The following NETO2 variants were observed in gnomAD, a reference collection of about 807,000 sequenced individuals.
NETO2 encodes neuropilin and tolloid-like protein 2.
A neutral mutation model predicts 62.5 loss-of-function variants in NETO2; 28 were observed. The ratio of observed to expected loss-of-function variants is 0.45; its 90% CI spans 0.33 to 0.61. The LOEUF (loss-of-function observed/expected upper bound fraction) is 0.61. NETO2 is among the 20% of genes least tolerant of loss of function. The pLI, the probability that NETO2 is intolerant of heterozygous loss-of-function variation, is 0.02. For missense variants in NETO2, 548 were observed against 643.2 expected (o/e 0.85, Z 1.60); for synonymous variants, 214 against 219.1 (o/e 0.98, Z 0.21).
intron 7 of NETO2, among the ~76,000 whole-genome samples, chr16:47,095,787 C>T (rs1205200573): frequency 2.0e-5 from 3 of 152,050 alleles, no homozygotes; most frequent in East Asian, 3.9e-4. Flanking sequence ...AAATAAAGGA[C>T]CTGAACACCA....
chr16:47,087,551 A>T (rs1439462059), intron 7 of NETO2, among the ~76,000 whole-genome samples: 1 of 152,170 alleles, frequency 6.6e-6, no homozygotes. Flanking sequence ...ATGTGAATGT[A>T]CTTAATGCTA....
intron 8 of NETO2, 138 bp from the exon 9 acceptor site, chr16:47,083,939 T>A (rs1180854751): frequency 1.6e-6 from 1 of 644,832 alleles, no homozygotes; most frequent in Non-Finnish European, 2.6e-6. Flanking sequence ...ACAATTAGGT[T>A]TTTAAACAAA....
intron 7 of NETO2, 78 bp downstream of exon 7, chr16:47,109,405 A>G (rs757992841): frequency 2.9e-5 from 25 of 870,650 alleles, no homozygotes; most frequent in African/African-American, 1.2e-4. Flanking sequence ...AATATTTTAA[A>G]AAAGTAAATG....
At chr16:47,133,190 G>T (rs1440112875) in intron 1 of NETO2, among the ~76,000 whole-genome samples, 2 of 152,090 alleles carry the variant, frequency 1.3e-5, no homozygotes, top group African/African-American at 4.8e-5. Context: ...AAGGGAAATA[G>T]AATGAGGAAA....
Position 47,129,269 on chromosome 16 carries a change from G to C in NETO2, c.187C>G (p.Pro63Ala). ...TCCTTGTTTGGTGGATATGAGTCAG[G>C]ATAATTTGGCGAAGCAAAATGACCT... is the stretch of plus-strand genomic sequence containing the variant. ...NGGHFASPNY[P>A]DSYPPNKECI... Residue 63 changes from proline to alanine, a missense_variant, in exon 3 of 9, where the codon CCT becomes GCT. Coordinates refer to ENST00000562435, the MANE Select transcript of NETO2 (RefSeq NM_018092.5). The C allele has an allele frequency of 6.2e-7, 1 of 1,614,010 alleles. No homozygotes were observed. Among genetic ancestry groups the C allele is most frequent in the Non-Finnish European group, 8.5e-7 (1 of 1,179,942 alleles).
intron 4 of NETO2, among the ~76,000 whole-genome samples, chr16:47,126,108 C>T (rs1439741949): frequency 2.0e-5 from 3 of 152,158 alleles, no homozygotes; most frequent in African/African-American, 7.2e-5. Context: ...GCTTATCTCA[C>T]TTAGCATAAT....
intron 7 of NETO2, among the ~76,000 whole-genome samples, chr16:47,094,150 A>G (rs574186130): frequency 1.2e-4 from 19 of 152,282 alleles, no homozygotes; most frequent in African/African-American, 4.6e-4. Context: ...AAATTCAAGT[A>G]AAAAAATGAT....
At chr16:47,103,452 T>C (rs1963599633) in intron 7 of NETO2, among the ~76,000 whole-genome samples, 1 of 151,944 alleles carries the variant, frequency 6.6e-6, no homozygotes, top group Non-Finnish European at 1.5e-5. Flanking sequence ...TAAAAAAAAA[T>C]TAACACTAAT....
chr16:47,085,898 G>A (rs1963178872), intron 8 of NETO2, among the ~76,000 whole-genome samples: 4 of 151,920 alleles, frequency 2.6e-5, no homozygotes. Flanking sequence ...GAGGTCAGGA[G>A]ATCGAGACCA....
chr16:47,110,803 T>C (rs899284639), intron 6 of NETO2, among the ~76,000 whole-genome samples: 1 of 151,792 alleles, frequency 6.6e-6, no homozygotes, highest in Admixed American at 6.6e-5. Flanking sequence ...ATGTCATATA[T>C]TCCCCCCCCA....
intron 2 of NETO2, among the ~76,000 whole-genome samples, chr16:47,131,590 G>C (rs1179884593): frequency 6.6e-6 from 1 of 152,074 alleles, no homozygotes; most frequent in Non-Finnish European, 1.5e-5. Context: ...CATAAATCAA[G>C]ACAAAAGAAC....
Position 47,143,881 on chromosome 16 carries a change from C to A in NETO2, c.-269G>T, listed in dbSNP as rs1174682509. The A allele has an allele frequency of 4.2e-6, 1 of 239,664 alleles. No individual in the cohort carries two copies. The highest frequency in any genetic ancestry group is 7.7e-6 in the Non-Finnish European group (1 of 130,000). 14.8% of individuals were successfully genotyped at this position (239,664 alleles called of 1,614,324 possible). ...TCGACCGCCCGAGGGCCGAGGAGTGCGGACGCGCGGCGCGGGACCGGCAGG... is the reference window on the plus strand; with the variant it reads ...TCGACCGCCCGAGGGCCGAGGAGTGAGGACGCGCGGCGCGGGACCGGCAGG... On this transcript the variant is annotated 5_prime_UTR_variant, in exon 1 of 9. Transcript: ENST00000562435.
In NETO2 at chr16:47,103,562, C is replaced by T. The variant is rs1963603300; in HGVS notation, c.883+5921G>A. 2.0e-5 allele frequency among the ~76,000 whole-genome samples: 3 copies of T among 152,118 alleles called. No homozygotes were observed. The South Asian group carries it at 6.2e-4, about 32-fold the overall frequency. The stretch of plus-strand genomic sequence containing the variant: ...CTATGAGGCCAGAATTACTCTGATA[C>T]CAAAGCTAGAAAAAGATACACAAAA... On this transcript the variant is annotated intron_variant, in intron 7 of 8. Transcript: ENST00000562435.
At chr16:47,129,406 G>C in intron 2 of NETO2, 42 bp from the exon 3 acceptor site, 1 of 1,597,814 alleles carries the variant, frequency 6.3e-7, no homozygotes, top group Non-Finnish European at 8.6e-7. Context: ...TACAGCAAAA[G>C]AGAATCATTC....
intron 6 of NETO2, among the ~76,000 whole-genome samples, chr16:47,118,204 G>C (rs1424981306): frequency 6.6e-6 from 1 of 152,082 alleles, no homozygotes; most frequent in African/African-American, 2.4e-5. Flanking sequence ...TCTTTGTTTG[G>C]GTGGTGGTCC....
At chr16:47,094,656 G>T (rs1411404266) in intron 7 of NETO2, among the ~76,000 whole-genome samples, 1 of 151,664 alleles carries the variant, frequency 6.6e-6, no homozygotes, top group Non-Finnish European at 1.5e-5. Flanking sequence ...CAATCTTGTT[G>T]ACCTCATGAT....
At chr16:47,101,516 G>A (rs1963543068) in intron 7 of NETO2, among the ~76,000 whole-genome samples, 1 of 152,212 alleles carries the variant, frequency 6.6e-6, no homozygotes, top group Non-Finnish European at 1.5e-5. Context: ...CAGATGACAT[G>A]ATTGTATATT....
rs1372228728 is a variant in NETO2, at chr16:47,081,375, T to C, written c.*1846A>G. Reference sequence around the variant, plus strand: ...ATTAGTTCATTGAATATTATATGCATCAAGTCTTTTCATGTTTCCACGTTA... The same window carrying C: ...ATTAGTTCATTGAATATTATATGCACCAAGTCTTTTCATGTTTCCACGTTA... On this transcript the variant is annotated 3_prime_UTR_variant, in exon 9 of 9. Coordinates refer to ENST00000562435, the MANE Select transcript of NETO2 (RefSeq NM_018092.5). 1 of 152,158 alleles carries C rather than the reference T, an allele frequency of 6.6e-6. No homozygotes were observed. Among genetic ancestry groups the C allele is most frequent in the Non-Finnish European group, 1.5e-5 (1 of 67,976 alleles). 9.4% of individuals were successfully genotyped at this position (152,158 alleles called of 1,614,324 possible).
rs553612328 is a variant in NETO2 at position 47,133,900 on chromosome 16, A to G, written c.35-1875T>C. Among the ~76,000 whole-genome samples the G allele has an allele frequency of 2.0e-5, 3 of 152,360 alleles. No homozygotes were observed. In the South Asian group the frequency reaches 6.2e-4, roughly 32 times the overall value. On this transcript the variant is annotated intron_variant, in intron 1 of 8. Transcript: ENST00000562435. Reference sequence around the variant, plus strand: ...ATTATCACTTCTGTGTTTTAGACCAATAATCCTAATGGTTGTGTGGGGTCT... The same window carrying G: ...ATTATCACTTCTGTGTTTTAGACCAGTAATCCTAATGGTTGTGTGGGGTCT...
Sources: gnomAD v4.1 joint callset for allele counts (sites outside exome capture counted in the v4.1 genomes callset) on GRCh38, gnomAD v4.1.1 for gene constraint, MANE v1.5 for transcripts, NCBI Gene and HGNC (gene_info 2026-07-23, HGNC 2026-07-21) for gene names.